The following SYDE2 variants were observed in gnomAD, a reference collection of about 807,000 sequenced individuals.
The protein encoded by SYDE2 is synapse defective Rho GTPase homolog 2, also known as rho GTPase-activating protein SYDE2.
Under a neutral mutation model 91.5 loss-of-function variants are expected in SYDE2, and 76 were observed. That is an observed-to-expected ratio of 0.83 (90% confidence interval 0.69 to 1.01). The LOEUF (loss-of-function observed/expected upper bound fraction) is 1.01. Ranked by LOEUF, SYDE2 falls within the 50% of genes least tolerant of loss-of-function variation. The pLI is 0.00. For missense variants in SYDE2, 1,364 were observed against 1,367.7 expected (o/e 1.00, Z 0.04); for synonymous variants, 513 against 506.4 (o/e 1.01, Z -0.18).
chr1:85,180,320 T>C lies in SYDE2; in HGVS notation c.2544+1778A>G, dbSNP rs373569764. Among the ~76,000 whole-genome samples, 14 of 151,918 alleles carry C rather than the reference T, an allele frequency of 9.2e-5. No homozygotes were observed. In the East Asian group the frequency reaches 1.9e-3, roughly 21 times the overall value. Reference sequence around the variant, plus strand: ...AAAATACAAGCACAATAAGCCTCTCTCTACTGGGGGTGGGGAAGAGGGGAG... The same window carrying C: ...AAAATACAAGCACAATAAGCCTCTCCCTACTGGGGGTGGGGAAGAGGGGAG... On this transcript the variant is annotated intron_variant, in intron 3 of 6. Transcript: ENST00000341460.
chr1:85,176,152 T>C (rs1657687250), intron 4 of SYDE2, among the ~76,000 whole-genome samples: 2 of 152,118 alleles, frequency 1.3e-5, no homozygotes, highest in Admixed American at 1.3e-4. Flanking sequence ...ATTTATAGAG[T>C]GTACTTGCTG....
chr1:85,191,120 A>G (rs1269665312), intron 1 of SYDE2, among the ~76,000 whole-genome samples: 1 of 152,182 alleles, frequency 6.6e-6, no homozygotes, highest in Non-Finnish European at 1.5e-5. Flanking sequence ...ATAAGTTTCA[A>G]TTCATTATTA....
rs577857748 is a variant in SYDE2 at position 85,178,532 on chromosome 1, C to A, written c.2545-260G>T. Reference sequence around the variant, plus strand: ...TATCTTAAGCAAAACACAATCCCTTCTTTTCAGTTTTATATGCTCAATAAA... The same window carrying A: ...TATCTTAAGCAAAACACAATCCCTTATTTTCAGTTTTATATGCTCAATAAA... On this transcript the variant is annotated intron_variant, in intron 3 of 6. Coordinates refer to ENST00000341460, the MANE Select transcript of SYDE2 (RefSeq NM_032184.2). 7.9e-5 allele frequency among the ~76,000 whole-genome samples: 12 copies of A among 152,276 alleles called. No individual in the cohort carries two copies. In the South Asian group the frequency reaches 2.5e-3, roughly 32 times the overall value.
In SYDE2 at chr1:85,200,530, C is replaced by T; in HGVS notation, c.467G>A (p.Ser156Asn). 6.2e-7 allele frequency: 1 copy of T among 1,612,884 alleles called. No homozygotes were observed. Among genetic ancestry groups the T allele is most frequent in the Admixed American group, 1.7e-5 (1 of 59,968 alleles). ...GGACCCCGCTGGATCCCTGAAAGGG[C>T]TTCCCGAGGAGCAGCCGTGGTCCTT... is the stretch of plus-strand genomic sequence containing the variant. ...GCKDHGCSSG[S>N]PFRDPAGSSV... The change falls in exon 1 of 7, where the codon AGC (serine) becomes AAC (asparagine). Residue 156 changes from serine (S) to asparagine (N), a missense_variant. By Grantham distance (46) the Ser-to-Asn change is conservative. Transcript: ENST00000341460.
intron 6 of SYDE2, among the ~76,000 whole-genome samples, chr1:85,163,782 G>A (rs1352262765): frequency 6.6e-6 from 1 of 151,996 alleles, no homozygotes; most frequent in Non-Finnish European, 1.5e-5. Flanking sequence ...GAGAGTAGCA[G>A]GGGTTACTAA....
chr1:85,174,508 A>T (rs571463678), intron 4 of SYDE2, among the ~76,000 whole-genome samples: 7 of 152,332 alleles, frequency 4.6e-5, no homozygotes, highest in African/African-American at 1.7e-4. Flanking sequence ...ACAAAATGAG[A>T]ATCATTCTCT....
At chr1:85,188,014 TAATTA>T (rs991306965) in intron 2 of SYDE2, among the ~76,000 whole-genome samples, 123 of 151,964 alleles carry the variant, frequency 8.1e-4, no homozygotes, top group South Asian at 6.5e-3. Context: ...AGTATAATAA[TAATTA>T]AATTAAATTA....
chr1:85,180,763 G>T lies in SYDE2; in HGVS notation c.2544+1335C>A, dbSNP rs529406152. Among the ~76,000 whole-genome samples, 3 of 151,962 alleles carry T rather than the reference G, an allele frequency of 2.0e-5. No homozygotes were observed. The South Asian group carries it at 6.2e-4, about 32-fold the overall frequency. On this transcript the variant is annotated intron_variant, in intron 3 of 6. Coordinates refer to ENST00000341460, the MANE Select transcript of SYDE2 (RefSeq NM_032184.2). ...AAAATGTTTTCTTGGCACTTAAAGT[G>T]GTAACAGTCTATATATACCTGCTCT...
intron 3 of SYDE2, 115 bp from the exon 4 acceptor site, chr1:85,178,387 A>G (rs1384691079): frequency 1.1e-6 from 1 of 873,840 alleles, no homozygotes; most frequent in Non-Finnish European, 1.7e-6. Flanking sequence ...TTAATTTTAA[A>G]TACCTCAAAT....
At chr1:85,190,818 A>T (rs1658338321) in intron 1 of SYDE2, 66 bp from the exon 2 acceptor site, 1 of 1,338,472 alleles carries the variant, frequency 7.5e-7, no homozygotes, top group Non-Finnish European at 1.0e-6. Context: ...ATGTCACTTC[A>T]GACCAGTTAT....
downstream of SYDE2, among the ~76,000 whole-genome samples, chr1:85,155,084 A>G (rs1656851826): frequency 6.6e-6 from 1 of 152,010 alleles, no homozygotes; most frequent in Admixed American, 6.5e-5. Context: ...AGGAGTACAA[A>G]GAAAATACAT....
At chr1:85,185,859 C>A (rs1214325285) in intron 2 of SYDE2, among the ~76,000 whole-genome samples, 1 of 152,190 alleles carries the variant, frequency 6.6e-6, no homozygotes, top group Non-Finnish European at 1.5e-5. Context: ...TGAGAGAGGG[C>A]ATCCCTGTCT....
rs995004442 is a variant in SYDE2 at position 85,196,273 on chromosome 1, T to C, written c.745+3979A>G. 2.6e-5 allele frequency among the ~76,000 whole-genome samples: 4 copies of C among 152,138 alleles called. 1 individual carries two copies. The highest frequency in any genetic ancestry group is 2.6e-4 in the Admixed American group (4 of 15,276). ...ATGTGAGAGCTCTAGAAGCTTACTATTCAAAAGTACGGTACACCAGACAGC... is the reference window on the plus strand; with the variant it reads ...ATGTGAGAGCTCTAGAAGCTTACTACTCAAAAGTACGGTACACCAGACAGC... On this transcript the variant is annotated intron_variant, in intron 1 of 6. Transcript: ENST00000341460.
chr1:85,159,001 A>T lies in SYDE2; in HGVS notation c.3334T>A (p.Tyr1112Asn). ...CTATCTTCTGAAGGGACATCATCAT[A>T]ATCCACATCATTTAAATTTTCTTTT... ...NTKENLNDVD[Y>N]DDVPSEDRKI... Residue 1112 changes from tyrosine (Y) to asparagine (N), a missense_variant, in exon 7 of 7, where the codon TAT becomes AAT. Transcript: ENST00000341460. 1 of 780,798 alleles carries T rather than the reference A, an allele frequency of 1.3e-6. No individual in the cohort carries two copies. The highest frequency in any genetic ancestry group is 2.4e-6 in the Non-Finnish European group (1 of 417,976). 48.4% of individuals were successfully genotyped at this position (780,798 alleles called of 1,614,324 possible).
At chr1:85,170,118 T>TTC (rs1553170840) in intron 4 of SYDE2, among the ~76,000 whole-genome samples, 3 of 150,246 alleles carry the variant, frequency 2.0e-5, no homozygotes, top group Non-Finnish European at 4.4e-5. Context: ...CCATCTCTTT[T>TTC]TTTTTTTTTT....
At chr1:85,197,464 T>C (rs1170582444) in intron 1 of SYDE2, among the ~76,000 whole-genome samples, 2 of 152,312 alleles carry the variant, frequency 1.3e-5, no homozygotes, top group Middle Eastern at 6.8e-3. Flanking sequence ...AAATGTGCTA[T>C]AAACCTTTTA....
In SYDE2 at chr1:85,169,024, T is replaced by C; in HGVS notation, c.2853+20A>G. Reference sequence around the variant, plus strand: ...TTCATTAACTGGCTTTCAGGAAAAATGTATACTGGTAATGCTTACCTTCTC... The same window carrying C: ...TTCATTAACTGGCTTTCAGGAAAAACGTATACTGGTAATGCTTACCTTCTC... On this transcript the variant is annotated intron_variant, in intron 5 of 6. Coordinates refer to ENST00000341460, the MANE Select transcript of SYDE2 (RefSeq NM_032184.2). 1 of 1,611,482 alleles carries C rather than the reference T, an allele frequency of 6.2e-7. No homozygotes were observed. The highest frequency in any genetic ancestry group is 8.5e-7 in the Non-Finnish European group (1 of 1,177,824).
Position 85,183,021 on chromosome 1 carries a change from G to T in SYDE2, c.1621C>A (p.Arg541=). The part of the protein sequence containing the change: ...MKMKKLPEFS[R]KLSVKGTLNY... ...AATGTTCCCTTAACGCTTAGCTTTC[G>T]GCTAAATTCTGGCAACTTTTTCATT... Residue 541 remains arginine (R), a synonymous_variant, in exon 3 of 7, where the codon CGA becomes AGA. Transcript: ENST00000341460. The T allele has an allele frequency of 6.2e-7, 1 of 1,612,882 alleles. No homozygotes were observed. The highest frequency in any genetic ancestry group is 1.1e-5 in the South Asian group (1 of 90,778).
At chr1:85,186,460 A>G (rs1165550044) in intron 2 of SYDE2, among the ~76,000 whole-genome samples, 2 of 152,168 alleles carry the variant, frequency 1.3e-5, no homozygotes, top group African/African-American at 4.8e-5. Flanking sequence ...AATAGATTCA[A>G]TGCCATCCCC....
Sources: allele counts gnomAD v4.1 joint callset (sites outside exome capture counted in the v4.1 genomes callset), GRCh38; gene constraint gnomAD v4.1.1; transcripts MANE v1.5; gene names NCBI Gene and HGNC (gene_info 2026-07-23, HGNC 2026-07-21).